Variants in VAPB observed in about 807,000 individuals in gnomAD.
The protein encoded by VAPB is VAMP associated protein B and C.
A neutral mutation model predicts 25.6 loss-of-function variants in VAPB; 7 were observed. The ratio of observed to expected loss-of-function variants is 0.27; its 90% CI spans 0.16 to 0.51. The LOEUF (loss-of-function observed/expected upper bound fraction) is 0.51. VAPB is among the 20% of genes least tolerant of loss of function. VAPB has a pLI of 0.97. For synonymous variants in VAPB, 112 were observed against 109.2 expected (o/e 1.03, Z -0.16); for missense variants, 266 against 301.3 (o/e 0.88, Z 0.87).
Position 58,389,535 on chromosome 20 carries a change from C to T in VAPB, c.58+18C>T, listed in dbSNP as rs764903005. The T allele has an allele frequency of 3.8e-6, 6 of 1,569,108 alleles. No individual in the cohort carries two copies. Among genetic ancestry groups the T allele is most frequent in the East Asian group, 2.4e-5 (1 of 42,082 alleles). On this transcript the variant is annotated intron_variant, in intron 1 of 5. Coordinates refer to ENST00000475243, the MANE Select transcript of VAPB (RefSeq NM_004738.5). ...ATTCCGAGGTAAGCCCCAGAGGCCG[C>T]CACCTTCCTGCCCGCGGCCTCCGCC...
chr20:58,393,806 C>T (rs1433435987), intron 1 of VAPB, among the ~76,000 whole-genome samples: 5 of 152,172 alleles, frequency 3.3e-5, no homozygotes, highest in Non-Finnish European at 4.4e-5. Flanking sequence ...GATCTTGGCT[C>T]ACCGCAACCT....
chr20:58,401,142 T>C (rs1042792459), intron 1 of VAPB, among the ~76,000 whole-genome samples: 2 of 152,222 alleles, frequency 1.3e-5, no homozygotes, highest in African/African-American at 4.8e-5. Context: ...TATCTTTTTA[T>C]TTATTATTAT....
intron 4 of VAPB, chr20:58,439,505 A>T (rs1428709647): frequency 1.6e-5 from 3 of 189,236 alleles, no homozygotes; most frequent in African/African-American, 2.4e-5. Context: ...CAGCCTCAAC[A>T]CTGTTGATAT....
At chr20:58,401,203 C>CT (rs1988088176) in intron 1 of VAPB, among the ~76,000 whole-genome samples, 1 of 152,072 alleles carries the variant, frequency 6.6e-6, no homozygotes, top group Non-Finnish European at 1.5e-5. Context: ...AAGATTGTTT[C>CT]TTTTTCTTTC....
intron 1 of VAPB, among the ~76,000 whole-genome samples, chr20:58,393,352 A>G (rs1987857069): frequency 6.6e-6 from 1 of 151,778 alleles, no homozygotes; most frequent in Non-Finnish European, 1.5e-5. Context: ...TTTCTTTTAT[A>G]TTTCTTTTTG....
At chr20:58,393,072 C>G (rs1210876376) in intron 1 of VAPB, among the ~76,000 whole-genome samples, 1 of 152,154 alleles carries the variant, frequency 6.6e-6, no homozygotes. Flanking sequence ...CTTGCTCTGT[C>G]ACCCAGGCTG....
rs768063819 is a variant in VAPB at position 58,393,109 on chromosome 20, CTG to C, written c.58+3594_58+3595del. Among the ~76,000 whole-genome samples, 7 of 152,188 alleles carry C rather than the reference CTG, an allele frequency of 4.6e-5. No homozygotes were observed. In the East Asian group the frequency reaches 7.7e-4, roughly 17 times the overall value. ...AGGGCAGTGGTGCCATCATAGCTCA[CTG>C]TAGCCTCAAACTCCTGGGCTCAAGA... On this transcript the variant is annotated intron_variant, in intron 1 of 5. Coordinates refer to ENST00000475243, the MANE Select transcript of VAPB (RefSeq NM_004738.5).
intron 1 of VAPB, among the ~76,000 whole-genome samples, chr20:58,413,872 G>C (rs1481663296): frequency 7.5e-6 from 1 of 132,752 alleles, no homozygotes; most frequent in East Asian, 2.4e-4. Flanking sequence ...CTGGCAGAGG[G>C]GCTCCTCACT....
rs367896794 is a variant in VAPB, at chr20:58,440,941, C to T, written c.431C>T (p.Thr144Ile). ...GAAATAAATAAAATTATATCCACAACTGCATCAAAGACAGAAACACCAATA... is the reference window on the plus strand; with the variant it reads ...GAAATAAATAAAATTATATCCACAATTGCATCAAAGACAGAAACACCAATA... ...DVEINKIIST[T>I]ASKTETPIVS... Residue 144 changes from threonine to isoleucine, a missense_variant, in exon 5 of 6, where the codon ACT becomes ATT. This residue lies in a region of VAPB where 136 missense variants were observed against 130.7 expected (regional missense o/e 1.04). Coordinates refer to ENST00000475243, the MANE Select transcript of VAPB (RefSeq NM_004738.5). The T allele has an allele frequency of 1.9e-6, 3 of 1,613,806 alleles. No homozygotes were observed. The highest frequency in any genetic ancestry group is 2.5e-6 in the Non-Finnish European group (3 of 1,179,926).
At chr20:58,409,359 T>C (rs1316101793) in intron 1 of VAPB, among the ~76,000 whole-genome samples, 4 of 152,212 alleles carry the variant, frequency 2.6e-5, no homozygotes, top group Non-Finnish European at 5.9e-5. Flanking sequence ...TTTAAAAATA[T>C]TAATAAGATA....
At chr20:58,391,127 T>C (rs902490426) in intron 1 of VAPB, among the ~76,000 whole-genome samples, 7 of 152,204 alleles carry the variant, frequency 4.6e-5, no homozygotes, top group Non-Finnish European at 1.0e-4. Context: ...TGTCTGAAGT[T>C]CTTTCTCTAT....
At chr20:58,429,039 T>C (rs1177645107) in intron 2 of VAPB, among the ~76,000 whole-genome samples, 1 of 152,134 alleles carries the variant, frequency 6.6e-6, no homozygotes, top group South Asian at 2.1e-4. Context: ...AGTGAGTCTT[T>C]GGGGCCTGAG....
intron 1 of VAPB, among the ~76,000 whole-genome samples, chr20:58,404,413 G>A (rs911930737): frequency 3.9e-5 from 6 of 152,124 alleles, no homozygotes; most frequent in African/African-American, 9.7e-5. Flanking sequence ...TGTACTTTGC[G>A]TTATCTGCTT....
chr20:58,443,715 G>C (rs554294445), intron 5 of VAPB, among the ~76,000 whole-genome samples: 2 of 152,260 alleles, frequency 1.3e-5, no homozygotes, highest in East Asian at 3.9e-4. Flanking sequence ...GGGTTGAAGA[G>C]AAGCATCCGG....
intron 1 of VAPB, among the ~76,000 whole-genome samples, chr20:58,417,654 A>G (rs891777628): frequency 1.3e-5 from 2 of 152,170 alleles, no homozygotes; most frequent in African/African-American, 2.4e-5. Flanking sequence ...TTCTGTAGCA[A>G]CACTATAATG....
In VAPB at chr20:58,393,333, AGT is replaced by A. The variant is rs1258737807; in HGVS notation, c.58+3823_58+3824del. Among the ~76,000 whole-genome samples the A allele has an allele frequency of 3.9e-5, 6 of 152,000 alleles. No homozygotes were observed. The East Asian group carries it at 7.7e-4, about 20-fold the overall frequency. The stretch of plus-strand genomic sequence containing the variant: ...GGCATGAGCCACTGCATGCAGCCTA[AGT>A]GTGTGTTTTCTTTTATATTTCTTTT... On this transcript the variant is annotated intron_variant, in intron 1 of 5. Coordinates refer to ENST00000475243, the MANE Select transcript of VAPB (RefSeq NM_004738.5).
intron 2 of VAPB, among the ~76,000 whole-genome samples, chr20:58,427,638 A>G (rs1397354871): frequency 1.3e-5 from 2 of 151,982 alleles, no homozygotes; most frequent in African/African-American, 2.4e-5. Context: ...GTGATCTGTG[A>G]TCTGTTACCA....
At chr20:58,434,069 G>GC (rs1319671267) in intron 2 of VAPB, among the ~76,000 whole-genome samples, 3 of 152,192 alleles carry the variant, frequency 2.0e-5, no homozygotes, top group African/African-American at 4.8e-5. Flanking sequence ...CGTTTTCCCT[G>GC]CTGTGTGAGT....
chr20:58,427,315 A>G (rs1449646135), intron 2 of VAPB, among the ~76,000 whole-genome samples: 2 of 148,004 alleles, frequency 1.4e-5, no homozygotes, highest in East Asian at 2.1e-4. Flanking sequence ...ATCTGTTACC[A>G]TTATGATGCA....
Sources: gnomAD v4.1 joint callset for allele counts (sites outside exome capture counted in the v4.1 genomes callset) on GRCh38, gnomAD v4.1.1 for gene constraint, gnomAD v4.1.1 regional missense constraint, MANE v1.5 for transcripts, NCBI Gene and HGNC (gene_info 2026-07-23, HGNC 2026-07-21) for gene names.